SYNJ2: variants seen among roughly 807,000 people sequenced by gnomAD.
SYNJ2 encodes synaptojanin 2.
Under a neutral mutation model 141.3 loss-of-function variants are expected in SYNJ2, and 116 were observed. The observed-to-expected ratio is 0.82, with a 90% CI of 0.71 to 0.96. The LOEUF is 0.96. Ranked by LOEUF, SYNJ2 falls within the 40% of genes least tolerant of loss-of-function variation. The pLI, the probability that SYNJ2 is intolerant of heterozygous loss-of-function variation, is 0.00. For missense variants in SYNJ2, 1,873 were observed against 1,934.8 expected, an observed-to-expected ratio of 0.97 and a Z score of 0.60; for synonymous variants, 745 against 777.7, an observed-to-expected ratio of 0.96 and a Z score of 0.70.
intron 17 of SYNJ2, among the ~76,000 whole-genome samples, chr6:158,077,057 G>A (rs533504446): frequency 1.2e-3 from 181 of 151,162 alleles, no homozygotes; most frequent in African/African-American, 4.1e-3. Flanking sequence ...GTGCAATGGC[G>A]TGATCTTGGC....
Position 158,066,449 on chromosome 6 carries a change from C to T in SYNJ2, c.1531C>T (p.Pro511Ser), listed in dbSNP as rs374716140. The T allele has an allele frequency of 1.4e-5, 22 of 1,614,070 alleles. No individual in the cohort carries two copies. Among genetic ancestry groups the T allele is most frequent in the Middle Eastern group, 1.6e-4 (1 of 6,082 alleles). ...LLDSTALLVT[P>S]RILKAMTERQ... ...CTTTTTATGCCTCCTGACAGTGACT[C>T]CCAGGATCCTGAAAGCTATGACTGA... The change falls in exon 12 of 27, where the codon CCC becomes TCC. Residue 511 changes from proline to serine, a missense_variant. Transcript: ENST00000355585.
At position 158,019,132 on chromosome 6, in the gene SYNJ2, T is replaced by C. The variant is rs533951664; in HGVS notation, c.214+1842T>C. On this transcript the variant is annotated intron_variant, in intron 2 of 26. Transcript: ENST00000355585. ...GTAGTATCTGGGCCCCCAGGATGCC[T>C]CACAGTCTTGGCTTCCTTCAGTTAT... Among the ~76,000 whole-genome samples the C allele has an allele frequency of 7.7e-4, 117 of 152,342 alleles. No homozygotes were observed. In the Middle Eastern group the frequency reaches 0.014, roughly 18 times the overall value.
intron 5 of SYNJ2, among the ~76,000 whole-genome samples, chr6:158,045,224 C>T (rs1416443336): frequency 6.6e-6 from 1 of 151,478 alleles, no homozygotes; most frequent in Non-Finnish European, 1.5e-5. Context: ...TCCCCTGCCT[C>T]AGCCTCCAGA....
At chr6:158,029,222 CT>C in intron 3 of SYNJ2, 196 bp downstream of exon 3, 3 of 678,118 alleles carry the variant, frequency 4.4e-6, no homozygotes, top group Non-Finnish European at 7.1e-6. Context: ...CCCCCCACCC[CT>C]GGCCCCTGGA....
chr6:158,086,423 A>C (rs1783040303), intron 22 of SYNJ2, among the ~76,000 whole-genome samples: 1 of 152,140 alleles, frequency 6.6e-6, no homozygotes, highest in Admixed American at 6.5e-5. Context: ...TGGCCACTGC[A>C]TGCCAGGCTG....
At position 158,071,575 on chromosome 6, in the gene SYNJ2, C is replaced by T. The variant is rs777657983; in HGVS notation, c.1941-27C>T. 11 of 1,601,048 alleles carry T rather than the reference C, an allele frequency of 6.9e-6. No individual in the cohort carries two copies. Among genetic ancestry groups the T allele is most frequent in the African/African-American group, 2.7e-5 (2 of 74,528 alleles). ...GTCACACTTCTCCTTCAGGAGCCGACGGCATGCGCGTATCCTTCTGTTCCA... is the reference window on the plus strand; with the variant it reads ...GTCACACTTCTCCTTCAGGAGCCGATGGCATGCGCGTATCCTTCTGTTCCA... On this transcript the variant is annotated intron_variant, in intron 14 of 26. Coordinates refer to ENST00000355585, the MANE Select transcript of SYNJ2 (RefSeq NM_003898.4). This position sits in a 1 kb window ranked among gnomAD's most constrained non-coding sequence, Gnocchi z 4.3.
At chr6:158,061,342 G>A (rs931203403) in intron 7 of SYNJ2, among the ~76,000 whole-genome samples, 2 of 152,230 alleles carry the variant, frequency 1.3e-5, no homozygotes, top group South Asian at 2.1e-4. Context: ...CCAGGGAGCT[G>A]CCAGGCCAGG....
chr6:158,094,987 C>A (rs350295), intron 26 of SYNJ2, among the ~76,000 whole-genome samples: 130,900 of 152,130 alleles, frequency 0.86, 57,249 homozygotes, highest in African/African-American at 0.97. Context: ...GTCTCTACTA[C>A]AAAATACAAA....
At chr6:158,061,889 G>A (rs1305038675) in intron 7 of SYNJ2, 103 bp from the exon 8 acceptor site, 102 of 1,175,540 alleles carry the variant, frequency 8.7e-5, no homozygotes, top group Non-Finnish European at 1.0e-4. Context: ...GTCCTGCGGC[G>A]AGTCACCTTG....
intron 1 of SYNJ2, among the ~76,000 whole-genome samples, chr6:157,987,418 T>C (rs1777246775): frequency 6.6e-6 from 1 of 152,234 alleles, no homozygotes; most frequent in African/African-American, 2.4e-5. Context: ...TTATCTTTTT[T>C]GAGGTGGAGT....
At chr6:158,081,381 G>A in intron 19 of SYNJ2, 51 bp from the exon 20 acceptor site, 2 of 1,613,156 alleles carry the variant, frequency 1.2e-6, no homozygotes, top group Non-Finnish European at 1.7e-6. Flanking sequence ...GAGGATCCGT[G>A]AGAGCTGCCA....
At chr6:158,077,940 C>T (rs1168344801) in intron 17 of SYNJ2, 13 of 371,176 alleles carry the variant, frequency 3.5e-5, no homozygotes, top group Non-Finnish European at 6.5e-5. Flanking sequence ...GCGAGGACTG[C>T]AGGCATGGTC....
At chr6:158,090,542 G>GT (rs58356198) in intron 25 of SYNJ2, among the ~76,000 whole-genome samples, 10,755 of 113,776 alleles carry the variant, frequency 0.095, 867 homozygotes, top group East Asian at 0.26. Flanking sequence ...TTTTTTTTTT[G>GT]TTTTTTTTTT....
At chr6:158,001,818 C>G (rs755554827) in intron 1 of SYNJ2, 1 of 152,326 alleles carries the variant, frequency 6.6e-6, no homozygotes, top group Non-Finnish European at 1.5e-5. Flanking sequence ...TTTAAGACCT[C>G]GCTCCCGCAG....
intron 1 of SYNJ2, 55 bp from the exon 2 acceptor site, chr6:158,017,149 C>T (rs1778494259): frequency 6.3e-7 from 1 of 1,581,244 alleles, no homozygotes; most frequent in Non-Finnish European, 8.6e-7. Flanking sequence ...TGTGAATGAA[C>T]AGGAATGAGC....
At chr6:158,031,886 C>G (rs911346552) in intron 3 of SYNJ2, among the ~76,000 whole-genome samples, 4 of 152,182 alleles carry the variant, frequency 2.6e-5, no homozygotes, top group African/African-American at 9.7e-5. Flanking sequence ...GTTTCTTCTC[C>G]TGAGCCCTGG....
chr6:158,067,972 C>T (rs1208010410), intron 12 of SYNJ2: 1 of 985,074 alleles, frequency 1.0e-6, no homozygotes, highest in Admixed American at 6.2e-5. Flanking sequence ...GGAAGGTGTG[C>T]ATGTTTTTAG....
intron 23 of SYNJ2, 90 bp from the exon 24 acceptor site, chr6:158,088,570 C>A: frequency 1.1e-6 from 1 of 917,062 alleles, no homozygotes; most frequent in Non-Finnish European, 1.8e-6. Context: ...TCTGCTGGGA[C>A]ATCCGCCTCG....
intron 25 of SYNJ2, among the ~76,000 whole-genome samples, chr6:158,090,751 G>C (rs1783393287): frequency 6.6e-6 from 1 of 151,536 alleles, no homozygotes; most frequent in African/African-American, 2.4e-5. Context: ...CACCTTGTTG[G>C]CCAGGCTGGT....
Sources: gnomAD v4.1 joint callset for allele counts (sites outside exome capture counted in the v4.1 genomes callset) on GRCh38, gnomAD v4.1.1 for gene constraint, Gnocchi (gnomAD v3.1) non-coding constraint, MANE v1.5 for transcripts, NCBI Gene and HGNC (gene_info 2026-07-23, HGNC 2026-07-21) for gene names.